Variants in DDX10 observed in about 807,000 individuals in gnomAD.
DDX10 encodes probable ATP-dependent RNA helicase DDX10.
A neutral mutation model predicts 104.3 loss-of-function variants in DDX10; 74 were observed. That is an observed-to-expected ratio of 0.71 (90% CI 0.59 to 0.86). DDX10 has a LOEUF of 0.86. Ranked by LOEUF, DDX10 falls within the 40% of genes least tolerant of loss-of-function variation. DDX10 has a pLI of 0.00. For missense variants in DDX10, 952 were observed against 1,040.0 expected, an observed-to-expected ratio of 0.92 and a Z score of 1.16; for synonymous variants, 351 against 353.4, an observed-to-expected ratio of 0.99 and a Z score of 0.08.
chr11:108,821,727 T>A (rs956030369), intron 13 of DDX10, among the ~76,000 whole-genome samples: 38 of 152,118 alleles, frequency 2.5e-4, no homozygotes, highest in Admixed American at 8.5e-4. Flanking sequence ...AGCGCTTTTT[T>A]AAAAAAATGT....
intron 13 of DDX10, among the ~76,000 whole-genome samples, chr11:108,770,767 A>G (rs1477924499): frequency 2.6e-5 from 4 of 151,162 alleles, no homozygotes; most frequent in African/African-American, 9.8e-5. Flanking sequence ...TAATCCATTC[A>G]TCTGTTGATG....
At chr11:108,776,285 G>A (rs1470481261) in intron 13 of DDX10, among the ~76,000 whole-genome samples, 1 of 152,094 alleles carries the variant, frequency 6.6e-6, no homozygotes, top group African/African-American at 2.4e-5. Context: ...GAGCTCCTTG[G>A]AGTTTTGCCA....
At chr11:108,886,750 CAAGTT>C (rs1863301434) in intron 16 of DDX10, among the ~76,000 whole-genome samples, 1 of 152,134 alleles carries the variant, frequency 6.6e-6, no homozygotes, top group Admixed American at 6.5e-5. Context: ...ATTTAACCAC[CAAGTT>C]AAGTTTGAAT....
intron 13 of DDX10, among the ~76,000 whole-genome samples, chr11:108,737,348 T>C (rs1430980145): frequency 6.6e-6 from 1 of 152,264 alleles, no homozygotes; most frequent in Non-Finnish European, 1.5e-5. Flanking sequence ...AGGCTGTTGC[T>C]GTTTTTTATT....
At chr11:108,676,449 T>A (rs545999812) in intron 3 of DDX10, among the ~76,000 whole-genome samples, 1 of 152,276 alleles carries the variant, frequency 6.6e-6, no homozygotes, top group Admixed American at 6.5e-5. Flanking sequence ...TATTTACTTA[T>A]TTTTATTTTT....
chr11:108,744,117 A>T (rs1037498191), intron 13 of DDX10, among the ~76,000 whole-genome samples: 1 of 151,998 alleles, frequency 6.6e-6, no homozygotes, highest in African/African-American at 2.4e-5. Flanking sequence ...CAGACCTACG[A>T]CTCATTTATA....
chr11:108,912,344 C>A (rs1002429547), intron 16 of DDX10, among the ~76,000 whole-genome samples: 4 of 152,092 alleles, frequency 2.6e-5, no homozygotes, highest in African/African-American at 9.7e-5. Context: ...CATTATAATA[C>A]CCCTGTAATC....
chr11:108,767,663 ACTTAG>A (rs1297239387), intron 13 of DDX10, among the ~76,000 whole-genome samples: 1 of 152,108 alleles, frequency 6.6e-6, no homozygotes, highest in Non-Finnish European at 1.5e-5. Flanking sequence ...AATACCCTTT[ACTTAG>A]CTTTTTCCTT....
At chr11:108,790,937 C>G (rs1374210109) in intron 13 of DDX10, among the ~76,000 whole-genome samples, 1 of 152,152 alleles carries the variant, frequency 6.6e-6, no homozygotes, top group East Asian at 1.9e-4. Flanking sequence ...GAATAAAAAT[C>G]CAATGTGGTT....
intron 13 of DDX10, among the ~76,000 whole-genome samples, chr11:108,828,433 T>C (rs893915208): frequency 1.3e-5 from 2 of 152,204 alleles, no homozygotes; most frequent in African/African-American, 4.8e-5. Flanking sequence ...TTACTTTACT[T>C]AGAATAATAA....
At chr11:108,698,534 A>G (rs1777423810) in intron 9 of DDX10, among the ~76,000 whole-genome samples, 1 of 152,190 alleles carries the variant, frequency 6.6e-6, no homozygotes, top group African/African-American at 2.4e-5. Flanking sequence ...GGGGGAGAGT[A>G]TAGCCAGTAT....
At chr11:108,690,273 T>G (rs2094250371) in intron 7 of DDX10, 1 of 152,528 alleles carries the variant, frequency 6.6e-6, no homozygotes, top group Admixed American at 6.5e-5. Flanking sequence ...GTTTAAAGTT[T>G]CTACTCTTTA....
At chr11:108,717,113 A>C (rs2094292520) in intron 11 of DDX10, among the ~76,000 whole-genome samples, 1 of 152,210 alleles carries the variant, frequency 6.6e-6, no homozygotes, top group Admixed American at 6.5e-5. Flanking sequence ...ATAGCATATC[A>C]GCAATGAGCC....
chr11:108,731,211 C>T (rs1429607765), intron 13 of DDX10, among the ~76,000 whole-genome samples: 1 of 151,946 alleles, frequency 6.6e-6, no homozygotes, highest in East Asian at 1.9e-4. Context: ...CCACCACACC[C>T]AGCTAATTTT....
At chr11:108,710,470 G>A (rs1204586785) in intron 10 of DDX10, among the ~76,000 whole-genome samples, 1 of 150,516 alleles carries the variant, frequency 6.6e-6, no homozygotes, top group Non-Finnish European at 1.5e-5. Flanking sequence ...TTTAAATGGA[G>A]CCTAGGCCTA....
chr11:108,826,923 CTTAAA>C (rs1862403276), intron 13 of DDX10, among the ~76,000 whole-genome samples: 1 of 152,096 alleles, frequency 6.6e-6, no homozygotes, highest in South Asian at 2.1e-4. Context: ...CTCAAACATT[CTTAAA>C]TTAATAGAAA....
chr11:108,930,103 T>C (rs1863958377), intron 17 of DDX10, among the ~76,000 whole-genome samples: 1 of 152,160 alleles, frequency 6.6e-6, no homozygotes. Flanking sequence ...TGTCCATCAT[T>C]ATAGTATCAC....
At chr11:108,898,043 G>A (rs1467640740) in intron 16 of DDX10, among the ~76,000 whole-genome samples, 1 of 151,996 alleles carries the variant, frequency 6.6e-6, no homozygotes, top group Non-Finnish European at 1.5e-5. Context: ...TTCACTCCCC[G>A]AAATAGGCTA....
intron 16 of DDX10, among the ~76,000 whole-genome samples, chr11:108,904,219 G>T (rs571627417): frequency 6.6e-6 from 1 of 152,076 alleles, no homozygotes; most frequent in Non-Finnish European, 1.5e-5. Context: ...CAACAGAAGC[G>T]ACTGAGGCCT....
Sources: allele counts gnomAD v4.1 joint callset (sites outside exome capture counted in the v4.1 genomes callset), GRCh38; gene constraint gnomAD v4.1.1; transcripts MANE v1.5; gene names NCBI Gene and HGNC (gene_info 2026-07-23, HGNC 2026-07-21).